Variants in COL5A2 observed in about 807,000 individuals in gnomAD.
COL5A2 encodes collagen type V alpha 2 chain, also known as collagen alpha-2(V) chain.
COL5A2 carries 23 observed loss-of-function variants against 208.2 expected under a neutral mutation model. The ratio of observed to expected loss-of-function variants is 0.11; its 90% confidence interval spans 0.08 to 0.16. The LOEUF is 0.16. Among genes scored for constraint, COL5A2 ranks in the 10% least tolerant of loss-of-function variants. The pLI is 1.00. For synonymous variants in COL5A2, 625 were observed against 628.5 expected (o/e 0.99, Z 0.08); for missense variants, 1,590 against 1,956.4 (o/e 0.81, Z 3.53).
chr2:189,172,117 G>A (rs1688583978), intron 1 of COL5A2, among the ~76,000 whole-genome samples: 1 of 152,194 alleles, frequency 6.6e-6, no homozygotes, highest in Admixed American at 6.5e-5. Context: ...AGGAGGCAGA[G>A]ACAGAAAACT....
At chr2:189,327,959 T>G in the COL5A2 span, among the ~76,000 whole-genome samples, 1 of 152,216 alleles carries the variant, frequency 6.6e-6, no homozygotes, top group African/African-American at 2.4e-5. Context: ...CTAATGTGAT[T>G]TAAAATTTTG....
At chr2:189,248,326 C>T in the COL5A2 span, among the ~76,000 whole-genome samples, 1 of 152,068 alleles carries the variant, frequency 6.6e-6, no homozygotes, top group Non-Finnish European at 1.5e-5. Context: ...GGAGAAGAAA[C>T]AGATGTTGAA....
the COL5A2 span, among the ~76,000 whole-genome samples, chr2:189,266,860 A>G: frequency 2.6e-5 from 4 of 152,142 alleles, no homozygotes; most frequent in Non-Finnish European, 5.9e-5. Context: ...AATGAAATAT[A>G]TAGATAATCT....
At chr2:189,181,759 G>A (rs1688783404), upstream of COL5A2, among the ~76,000 whole-genome samples, 1 of 152,160 alleles carries the variant, frequency 6.6e-6, no homozygotes, top group Admixed American at 6.5e-5. Flanking sequence ...CTCAGTGGCT[G>A]CTCAGATCAG....
At chr2:189,419,286 C>T in the COL5A2 span, among the ~76,000 whole-genome samples, 1 of 152,186 alleles carries the variant, frequency 6.6e-6, no homozygotes, top group South Asian at 2.1e-4. Flanking sequence ...CTGTAAATTG[C>T]TAATTACAGT....
At chr2:189,304,536 T>C in the COL5A2 span, among the ~76,000 whole-genome samples, 6 of 152,248 alleles carry the variant, frequency 3.9e-5, no homozygotes, top group East Asian at 1.9e-4. Flanking sequence ...GCACATCACA[T>C]GGCAGGAGCG....
At chr2:189,128,261 T>C (rs1206837606) in intron 1 of COL5A2, among the ~76,000 whole-genome samples, 1 of 152,004 alleles carries the variant, frequency 6.6e-6, no homozygotes, top group Non-Finnish European at 1.5e-5. Flanking sequence ...TTGCTAGTTA[T>C]GTTTGTAAAA....
At chr2:189,263,096 TAGG>T in the COL5A2 span, among the ~76,000 whole-genome samples, 62 of 152,268 alleles carry the variant, frequency 4.1e-4, 1 homozygote, top group African/African-American at 1.2e-3. Context: ...AAGCAGGACA[TAGG>T]AGAATTCTTC....
intron 1 of COL5A2, among the ~76,000 whole-genome samples, chr2:189,120,231 A>AT (rs34873681): frequency 7.6e-4 from 116 of 152,226 alleles, no homozygotes; most frequent in African/African-American, 2.7e-3. Context: ...AAGATAATGA[A>AT]TTTTTTGTAG....
intron 1 of COL5A2, among the ~76,000 whole-genome samples, chr2:189,151,128 T>C (rs561730636): frequency 6.6e-6 from 1 of 152,210 alleles, no homozygotes; most frequent in Non-Finnish European, 1.5e-5. Context: ...ATGTAACCCA[T>C]TTCCACACAG....
the COL5A2 span, among the ~76,000 whole-genome samples, chr2:189,406,355 G>A: frequency 6.6e-6 from 1 of 152,066 alleles, no homozygotes; most frequent in Non-Finnish European, 1.5e-5. Flanking sequence ...CTCCATCTTT[G>A]GGATAATACC....
At chr2:189,376,783 A>T in the COL5A2 span, among the ~76,000 whole-genome samples, 1 of 152,212 alleles carries the variant, frequency 6.6e-6, no homozygotes, top group East Asian at 1.9e-4. Flanking sequence ...CAAAGCACTT[A>T]TATCCACCTG....
rs1040238147 is a variant in COL5A2, at chr2:189,050,640, C to T, written c.2968G>A (p.Gly990Arg). ...GGCATGCCAACAATTCCTCTCTGCC[C>T]GGTCGTTCCAGCTGGACCAGGGGGG... Reference protein sequence around the residue: ...DGPPGPAGTTGQRGIVGMPGQ... With the variant: ...DGPPGPAGTTRQRGIVGMPGQ... The change falls in exon 43 of 54, where the codon GGG becomes AGG. Residue 990 changes from glycine to arginine, a missense_variant. By Grantham distance (125) the Gly-to-Arg change is moderately radical. Coordinates refer to ENST00000374866, the MANE Select transcript of COL5A2 (RefSeq NM_000393.5). 4 of 1,552,538 alleles carry T rather than the reference C, an allele frequency of 2.6e-6. No individual in the cohort carries two copies. Among genetic ancestry groups the T allele is most frequent in the South Asian group, 1.2e-5 (1 of 84,088 alleles).
chr2:189,335,006 T>A, the COL5A2 span, among the ~76,000 whole-genome samples: 5,531 of 152,102 alleles, frequency 0.036, 115 homozygotes, highest in Admixed American at 0.05. Context: ...ATCATATTAG[T>A]ACTCTCTATC....
At position 189,118,202 on chromosome 2, in the gene COL5A2, A is replaced by T. The variant is rs113352988; in HGVS notation, c.98-7753T>A. Among the ~76,000 whole-genome samples the T allele has an allele frequency of 7.9e-5, 12 of 152,126 alleles. 1 individual carries two copies. The highest frequency in any genetic ancestry group is 2.9e-4 in the African/African-American group (12 of 41,570). On this transcript the variant is annotated intron_variant, in intron 1 of 53. Transcript: ENST00000374866. ...TTAAAATACCATGAATTATAGGAATATGATGTATTATCATTTATTCCTGAC... is the reference window on the plus strand; with the variant it reads ...TTAAAATACCATGAATTATAGGAATTTGATGTATTATCATTTATTCCTGAC...
At chr2:189,311,569 C>A in the COL5A2 span, 35 of 1,241,628 alleles carry the variant, frequency 2.8e-5, no homozygotes, top group Admixed American at 1.6e-4. Flanking sequence ...CGTAGTGGGC[C>A]TCCACCTCCC....
At chr2:189,159,599 T>G (rs555232985) in intron 1 of COL5A2, among the ~76,000 whole-genome samples, 14 of 152,240 alleles carry the variant, frequency 9.2e-5, no homozygotes, top group Non-Finnish European at 1.9e-4. Context: ...AGATTCCAGC[T>G]ACAATGTTGC....
the COL5A2 span, among the ~76,000 whole-genome samples, chr2:189,344,363 T>C: frequency 4.7e-4 from 72 of 152,246 alleles, no homozygotes; most frequent in African/African-American, 1.7e-3. Flanking sequence ...AAGAACCTCA[T>C]GTACTTACAG....
the COL5A2 span, among the ~76,000 whole-genome samples, chr2:189,251,993 CA>C: frequency 6.6e-6 from 1 of 152,042 alleles, no homozygotes; most frequent in Non-Finnish European, 1.5e-5. Context: ...TTTATGCAGC[CA>C]AAAGACACAT....
Sources: gnomAD v4.1 joint callset for allele counts (sites outside exome capture counted in the v4.1 genomes callset) on GRCh38, gnomAD v4.1.1 for gene constraint, MANE v1.5 for transcripts, NCBI Gene and HGNC (gene_info 2026-07-23, HGNC 2026-07-21) for gene names.